TPRG1: variants seen among roughly 807,000 people sequenced by gnomAD.
TPRG1 encodes the protein tumor protein p63-regulated gene 1 protein.
TPRG1 carries 29 observed loss-of-function variants against 29.3 expected under a neutral mutation model. That is an observed-to-expected ratio of 0.99 (90% CI 0.74 to 1.35). TPRG1 has a LOEUF of 1.35. Ranked by LOEUF, TPRG1 falls within the 40% of genes most tolerant of loss-of-function variation. TPRG1 has a pLI of 0.00. For synonymous variants in TPRG1, 130 were observed against 116.8 expected (o/e 1.11, Z -0.73); for missense variants, 327 against 335.0 (o/e 0.98, Z 0.19).
chr3:189,160,670 G>T (rs923389102), intron 5 of TPRG1, among the ~76,000 whole-genome samples: 3 of 152,224 alleles, frequency 2.0e-5, no homozygotes, highest in South Asian at 2.1e-4. Context: ...CAAAATAAAA[G>T]AACTCCAGGG....
rs1326521035 is a variant in TPRG1, at chr3:189,044,101, C to T, written c.-463+20155C>T. Among the ~76,000 whole-genome samples the T allele has an allele frequency of 3.9e-5, 6 of 152,176 alleles. No homozygotes were observed. The East Asian group carries it at 9.7e-4, about 25-fold the overall frequency. ...TAAATAAATGAATATATAAAAATTA[C>T]TCTCTCAAATTAGTTCATCTCCTCA... On this transcript the variant is annotated intron_variant, in intron 4 of 10. Transcript: ENST00000433971.
chr3:189,067,888 G>A (rs1399983023), intron 4 of TPRG1, among the ~76,000 whole-genome samples: 1 of 152,038 alleles, frequency 6.6e-6, no homozygotes, highest in East Asian at 1.9e-4. Flanking sequence ...GACAACCCAC[G>A]GAACAGGAGA....
chr3:189,201,861 G>C (rs919781738), intron 1 of TPRG1, among the ~76,000 whole-genome samples: 1 of 152,060 alleles, frequency 6.6e-6, no homozygotes, highest in African/African-American at 2.4e-5. Flanking sequence ...ATGTTGGCCA[G>C]GCTGGTCTTG....
chr3:189,057,831 C>T (rs1207363117), intron 4 of TPRG1, among the ~76,000 whole-genome samples: 2 of 120,668 alleles, frequency 1.7e-5, no homozygotes, highest in South Asian at 2.4e-4. Flanking sequence ...TATATATACA[C>T]ACATATGTAT....
intron 3 of TPRG1, among the ~76,000 whole-genome samples, chr3:189,215,661 T>G (rs1473951237): frequency 6.6e-6 from 1 of 152,122 alleles, no homozygotes; most frequent in Non-Finnish European, 1.5e-5. Context: ...GACTGTTATA[T>G]TGGCTTCCTA....
At chr3:189,134,919 T>C (rs1723562639) in intron 3 of TPRG1, among the ~76,000 whole-genome samples, 1 of 152,196 alleles carries the variant, frequency 6.6e-6, no homozygotes, top group African/African-American at 2.4e-5. Flanking sequence ...CGCAGTTTTC[T>C]ATGATCTTGA....
intron 5 of TPRG1, among the ~76,000 whole-genome samples, chr3:189,156,713 C>T (rs1726736185): frequency 6.6e-6 from 1 of 152,084 alleles, no homozygotes; most frequent in Admixed American, 6.5e-5. Context: ...AATTTTACAC[C>T]CTCTTTGCAG....
At chr3:189,125,367 G>T (rs1722331468) in intron 1 of TPRG1, among the ~76,000 whole-genome samples, 1 of 152,066 alleles carries the variant, frequency 6.6e-6, no homozygotes, top group Non-Finnish European at 1.5e-5. Flanking sequence ...CAAAAGAAAT[G>T]ATATAATAGA....
chr3:189,087,497 G>C (rs1444487572), intron 4 of TPRG1, among the ~76,000 whole-genome samples: 1 of 152,166 alleles, frequency 6.6e-6, no homozygotes, highest in Non-Finnish European at 1.5e-5. Flanking sequence ...CTGTGCAGAA[G>C]CTCTTTAGTT....
intron 4 of TPRG1, among the ~76,000 whole-genome samples, chr3:189,294,607 A>G (rs1444938266): frequency 6.6e-6 from 1 of 152,214 alleles, no homozygotes; most frequent in South Asian, 2.1e-4. Context: ...GCAGGGGGAA[A>G]TACACAGGTC....
Position 189,109,730 on chromosome 3 carries a change from A to C in TPRG1, c.-744+9526A>C, listed in dbSNP as rs563264998. Among the ~76,000 whole-genome samples the C allele has an allele frequency of 3.3e-5, 5 of 152,276 alleles. No homozygotes were observed. In the South Asian group the frequency reaches 1.0e-3, roughly 32 times the overall value. Reference sequence around the variant, plus strand: ...ATTTACAGACATTCCCTTTTAGTACACAATTCTATGAGTTTTTGCAAACAC... The same window carrying C: ...ATTTACAGACATTCCCTTTTAGTACCCAATTCTATGAGTTTTTGCAAACAC... On this transcript the variant is annotated intron_variant, in intron 1 of 6. Coordinates refer to the TPRG1 transcript ENST00000412373.
At chr3:189,076,749 A>T (rs1262843480) in intron 4 of TPRG1, among the ~76,000 whole-genome samples, 2 of 152,130 alleles carry the variant, frequency 1.3e-5, no homozygotes, top group Non-Finnish European at 2.9e-5. Context: ...CCAGGAAGAT[A>T]CTAATGGGCC....
intron 4 of TPRG1, among the ~76,000 whole-genome samples, chr3:189,043,150 T>C (rs1714737088): frequency 6.6e-6 from 1 of 152,148 alleles, no homozygotes. Flanking sequence ...GAAGGAAAAC[T>C]ATATATAGAT....
intron 5 of TPRG1, among the ~76,000 whole-genome samples, chr3:189,157,793 G>T (rs16864034): frequency 0.033 from 5,071 of 152,174 alleles, 273 homozygotes; most frequent in African/African-American, 0.12. Flanking sequence ...ACGCTGATGA[G>T]TTGGGACCTG....
chr3:189,041,346 T>TA (rs1714620270), intron 4 of TPRG1, among the ~76,000 whole-genome samples: 1 of 152,104 alleles, frequency 6.6e-6, no homozygotes. Flanking sequence ...ACAGGAAAAA[T>TA]ATAGTATTGC....
intron 4 of TPRG1, among the ~76,000 whole-genome samples, chr3:189,298,454 T>C (rs780042832): frequency 2.4e-4 from 36 of 152,188 alleles, no homozygotes; most frequent in Non-Finnish European, 4.4e-4. Context: ...ACATACTGAG[T>C]GTTAAAGTGA....
intron 4 of TPRG1, among the ~76,000 whole-genome samples, chr3:189,078,551 A>C (rs1717378283): frequency 6.6e-6 from 1 of 152,214 alleles, no homozygotes; most frequent in African/African-American, 2.4e-5. Flanking sequence ...TGGAATTGCC[A>C]ATGAAATTTC....
chr3:189,085,447 A>ATGTGTGTGTG (rs55935182), intron 4 of TPRG1, among the ~76,000 whole-genome samples: 2 of 121,932 alleles, frequency 1.6e-5, no homozygotes, highest in East Asian at 2.2e-4. Flanking sequence ...GTGTGTGTGC[A>ATGTGTGTGTG]TGTGTGTGTG....
At chr3:189,149,937 C>T (rs1725720384) in intron 4 of TPRG1, among the ~76,000 whole-genome samples, 1 of 152,196 alleles carries the variant, frequency 6.6e-6, no homozygotes, top group South Asian at 2.1e-4. Context: ...GGTTGAATAA[C>T]TACTTTAGCA....
Sources: allele counts gnomAD v4.1 joint callset (sites outside exome capture counted in the v4.1 genomes callset), GRCh38; gene constraint gnomAD v4.1.1; transcripts MANE v1.5; gene names NCBI Gene and HGNC (gene_info 2026-07-23, HGNC 2026-07-21).